The following NFAM1 variants were observed in gnomAD, a reference collection of about 807,000 sequenced individuals.
The protein encoded by NFAM1 is NFAT activation molecule 1.
In NFAM1, 17 loss-of-function variants were observed where a neutral mutation model predicts 29.0. The observed-to-expected ratio is 0.59, with a 90% confidence interval of 0.40 to 0.88. NFAM1 has a LOEUF of 0.88. NFAM1 is among the 40% of genes least tolerant of loss of function. The pLI, the probability that NFAM1 is intolerant of heterozygous loss-of-function variation, is 0.00. For missense variants in NFAM1, 324 were observed against 344.6 expected (o/e 0.94, Z 0.47); for synonymous variants, 175 against 147.2 (o/e 1.19, Z -1.36).
rs758253259 is a variant in NFAM1 at position 42,411,637 on chromosome 22, T to C, written c.221A>G (p.Gln74Arg). ...GTAGCTGACTGTGAAAACCTTGAATTGGGGAGTGTATGGATAGGTGATCCT... is the reference window on the plus strand; with the variant it reads ...GTAGCTGACTGTGAAAACCTTGAATCGGGGAGTGTATGGATAGGTGATCCT... ...SCRITYPYTP[Q>R]FKVFTVSYFH... Residue 74 changes from glutamine (Q) to arginine (R), a missense_variant, in exon 2 of 6, where the codon CAA (glutamine) becomes CGA (arginine). By Grantham distance (43) the Gln-to-Arg change is conservative (BLOSUM62 1). Coordinates refer to ENST00000329021, the MANE Select transcript of NFAM1 (RefSeq NM_145912.8). The C allele has an allele frequency of 8.7e-6, 14 of 1,613,954 alleles. No individual in the cohort carries two copies. Among genetic ancestry groups the C allele is most frequent in the Non-Finnish European group, 1.2e-5 (14 of 1,179,952 alleles).
chr22:42,427,361 G>C (rs904757860), intron 1 of NFAM1, among the ~76,000 whole-genome samples: 1 of 151,658 alleles, frequency 6.6e-6, no homozygotes, highest in African/African-American at 2.4e-5. Flanking sequence ...AGGAAGGGCA[G>C]AGGACGACTA....
In NFAM1 at chr22:42,387,171, C is replaced by T. The variant is rs577549555; in HGVS notation, c.664-93G>A. 1.2e-5 allele frequency: 8 copies of T among 679,728 alleles called. No homozygotes were observed. In the East Asian group the frequency reaches 2.5e-4, roughly 21 times the overall value. The allele number at this position is 679,728 out of a possible 1,614,324, so 42.1% of individuals were successfully genotyped here. Reference sequence around the variant, plus strand: ...AGCCCCCTGCCTGTTACACACCCCACCGTGGGAGCCCAGGGGAGGGTGAAG... The same window carrying T: ...AGCCCCCTGCCTGTTACACACCCCATCGTGGGAGCCCAGGGGAGGGTGAAG... On this transcript the variant is annotated intron_variant, in intron 4 of 5. Transcript: ENST00000329021.
chr22:42,404,791 G>T (rs1213815370), intron 3 of NFAM1, among the ~76,000 whole-genome samples: 1 of 150,440 alleles, frequency 6.6e-6, no homozygotes, highest in East Asian at 2.0e-4. Flanking sequence ...AGAGGCGGAG[G>T]TGCAGTGAGT....
Position 42,404,937 on chromosome 22 carries a change from G to C in NFAM1, c.564+4498C>G, listed in dbSNP as rs533304692. ...CCTCCTTATCCCATTTCCAGAGGAG[G>C]AAACTGAGGCTCAGAGAGGATCCAA... On this transcript the variant is annotated intron_variant, in intron 3 of 5. Transcript: ENST00000329021. Among the ~76,000 whole-genome samples, 13 of 152,090 alleles carry C rather than the reference G, an allele frequency of 8.5e-5. No homozygotes were observed. The East Asian group carries it at 2.3e-3, about 27-fold the overall frequency.
chr22:42,434,547 C>T (rs992618994), upstream of NFAM1, among the ~76,000 whole-genome samples: 6 of 152,222 alleles, frequency 3.9e-5, no homozygotes, highest in Non-Finnish European at 7.4e-5. Context: ...AGCCCAGCAG[C>T]CCTGGCTGCG....
chr22:42,393,575 A>T (rs1929418809), intron 4 of NFAM1, among the ~76,000 whole-genome samples: 1 of 140,210 alleles, frequency 7.1e-6, no homozygotes, highest in African/African-American at 2.6e-5. Context: ...CGCCTGACTA[A>T]TTTTTTTTTT....
At chr22:42,420,095 C>T (rs1220751686) in intron 1 of NFAM1, among the ~76,000 whole-genome samples, 2 of 149,114 alleles carry the variant, frequency 1.3e-5, no homozygotes, top group East Asian at 4.1e-4. Flanking sequence ...ACTACAACCT[C>T]CACCTCCCCG....
rs1929593892 is a variant in NFAM1, at chr22:42,398,087, C to T, written c.565-131G>A. On this transcript the variant is annotated intron_variant, in intron 3 of 5. Coordinates refer to ENST00000329021, the MANE Select transcript of NFAM1 (RefSeq NM_145912.8). ...GATTCATCACTCAGTCCCTCCCACT[C>T]ACCCTCTCCAGGGAAACATGGCAAA... 10 of 576,500 alleles carry T rather than the reference C, an allele frequency of 1.7e-5. No homozygotes were observed. The South Asian group carries it at 2.1e-4, about 12-fold the overall frequency. The allele number at this position is 576,500 out of a possible 1,614,324, so 35.7% of individuals were successfully genotyped here.
In NFAM1 at chr22:42,411,503, C is replaced by T. The variant is rs1930088763; in HGVS notation, c.355G>A (p.Val119Met). 2.5e-6 allele frequency: 4 copies of T among 1,614,220 alleles called. No homozygotes were observed. Among genetic ancestry groups the T allele is most frequent in the Non-Finnish European group, 3.4e-6 (4 of 1,180,032 alleles). ...CCAGTGGCCGATGCTCCCGGCAGCA[C>T]AAGGGTGACCTGGCAGTCCAGGGTG... is the stretch of plus-strand genomic sequence containing the variant. The part of the protein sequence containing the change: ...SHTLDCQVTL[V>M]LPGASATGTY... The change falls in exon 2 of 6, where the codon GTG (valine) becomes ATG (methionine). Residue 119 changes from valine to methionine, a missense_variant. Val to Met is a conservative substitution (Grantham distance 21, BLOSUM62 1). Transcript: ENST00000329021.
At position 42,415,177 on chromosome 22, in the gene NFAM1, C is replaced by CA. The variant is rs35153797; in HGVS notation, c.122-3442dup. ...AACGTCCAGTCTGGAGACGTCAGGC[C>CA]AAAAAACCCGGGGGAGGAGAGGAGG... is the stretch of plus-strand genomic sequence containing the variant. On this transcript the variant is annotated intron_variant, in intron 1 of 5. Transcript: ENST00000329021. Among the ~76,000 whole-genome samples, 582 of 151,998 alleles carry CA rather than the reference C, an allele frequency of 3.8e-3. 2 individuals carry two copies. The highest frequency in any genetic ancestry group is 0.01 in the Middle Eastern group (3 of 294).
intron 4 of NFAM1, among the ~76,000 whole-genome samples, chr22:42,396,748 C>A (rs955190394): frequency 2.0e-5 from 3 of 152,240 alleles, no homozygotes; most frequent in African/African-American, 7.2e-5. Context: ...ACTGTTGGCA[C>A]TGCCCCACAG....
At chr22:42,433,305 G>A (rs1930864882), upstream of NFAM1, among the ~76,000 whole-genome samples, 1 of 152,204 alleles carries the variant, frequency 6.6e-6, no homozygotes, top group Non-Finnish European at 1.5e-5. Flanking sequence ...GCGGGAAGGT[G>A]GCTGAGTTTC....
chr22:42,398,386 TTATTATTATTATTATTATTATTA>T (rs1929607993), intron 3 of NFAM1, among the ~76,000 whole-genome samples: 2 of 94,828 alleles, frequency 2.1e-5, no homozygotes, highest in South Asian at 5.1e-4. Flanking sequence ...GTTTTATTTA[TTATTATTATTATTATTATTATTA>T]TTATTATTAT....
rs1312977589 is a variant in NFAM1 at position 42,419,949 on chromosome 22, A to T, written c.122-8213T>A. Among the ~76,000 whole-genome samples, 3 of 130,298 alleles carry T rather than the reference A, an allele frequency of 2.3e-5. No homozygotes were observed. The highest frequency in any genetic ancestry group is 4.8e-5 in the Non-Finnish European group (3 of 62,196). 85.5% of individuals were successfully genotyped at this position (130,298 alleles called of 152,430 possible). A position where few individuals can be genotyped will look rare whatever the true frequency, so the allele number is the denominator to read the frequency against. On this transcript the variant is annotated intron_variant, in intron 1 of 5. Transcript: ENST00000329021. This position sits in a 1 kb window ranked among gnomAD's most constrained non-coding sequence, Gnocchi z 4.5. ...CCCAAATTGCAGTGGTAGACATGGG[A>T]TTTTAAGCTGGGTCCCTTTGAGTCT...
In NFAM1 at chr22:42,412,756, GCTCGGAGAGGATTTGTCAGGTTTTTTAC is replaced by G. The variant is rs1396298921; in HGVS notation, c.122-1048_122-1021del. On this transcript the variant is annotated intron_variant, in intron 1 of 5. Coordinates refer to ENST00000329021, the MANE Select transcript of NFAM1 (RefSeq NM_145912.8). The stretch of plus-strand genomic sequence containing the variant: ...GACACAAACCTCTCCCGGACTCTGG[GCTCGGAGAGGATTTGTCAGGTTTTTTAC>G]AGTATAACAGGCAACATCCTGAGAG... 2.6e-5 allele frequency among the ~76,000 whole-genome samples: 4 copies of G among 152,332 alleles called. No homozygotes were observed. The East Asian group carries it at 7.7e-4, about 29-fold the overall frequency.
intron 2 of NFAM1, among the ~76,000 whole-genome samples, chr22:42,411,081 A>G (rs1223211726): frequency 6.9e-5 from 10 of 145,790 alleles, no homozygotes; most frequent in Non-Finnish European, 1.3e-4. Flanking sequence ...CTGGAGTGCA[A>G]TGGTGCGATC....
rs1320060809 is a variant in NFAM1 at position 42,384,417 on chromosome 22, T to G, written c.*744A>C. 6.5e-6 allele frequency: 1 copy of G among 153,734 alleles called. No individual in the cohort carries two copies. The allele number at this position is 153,734 out of a possible 1,614,324, so 9.5% of individuals were successfully genotyped here. On this transcript the variant is annotated 3_prime_UTR_variant, in exon 6 of 6. Coordinates refer to ENST00000329021, the MANE Select transcript of NFAM1 (RefSeq NM_145912.8). Reference sequence around the variant, plus strand: ...TTCAGTTCCTGTTTAGCCAGCACCCTCCTCCCCTCATCTGTCCCTCTGCCC... The same window carrying G: ...TTCAGTTCCTGTTTAGCCAGCACCCGCCTCCCCTCATCTGTCCCTCTGCCC...
intron 1 of NFAM1, among the ~76,000 whole-genome samples, chr22:42,420,336 T>C (rs573111226): frequency 1.3e-5 from 2 of 152,204 alleles, no homozygotes; most frequent in South Asian, 4.1e-4. Context: ...TAGCCAGGCA[T>C]GATGGCATGC....
At chr22:42,390,816 C>CA (rs11343542) in intron 4 of NFAM1, among the ~76,000 whole-genome samples, 71 of 107,556 alleles carry the variant, frequency 6.6e-4, no homozygotes, top group Middle Eastern at 9.3e-3. Context: ...GACTCCGTCT[C>CA]AAAAAAAAAA....
Sources: allele counts gnomAD v4.1 joint callset (sites outside exome capture counted in the v4.1 genomes callset), GRCh38; gene constraint gnomAD v4.1.1; non-coding constraint Gnocchi (gnomAD v3.1); transcripts MANE v1.5; gene names NCBI Gene and HGNC (gene_info 2026-07-23, HGNC 2026-07-21).